Variants in PTPRD observed in about 807,000 individuals in gnomAD.
PTPRD encodes receptor-type tyrosine-protein phosphatase delta.
A neutral mutation model predicts 214.5 loss-of-function variants in PTPRD; 34 were observed. That is an observed-to-expected ratio of 0.16 (90% confidence interval 0.12 to 0.21). The LOEUF (loss-of-function observed/expected upper bound fraction) is 0.21, where lower values mean the gene tolerates loss of function less well. PTPRD is among the 10% of genes least tolerant of loss of function. The pLI, the probability that PTPRD is intolerant of heterozygous loss-of-function variation, is 1.00. For missense variants in PTPRD, 2,545 were observed against 2,398.7 expected (o/e 1.06, Z -1.27); for synonymous variants, 1,128 against 845.7 (o/e 1.33, Z -5.79).
intron 2 of PTPRD, among the ~76,000 whole-genome samples, chr9:10,354,712 C>G (rs1396305145): frequency 1.3e-5 from 2 of 152,154 alleles, no homozygotes; most frequent in Non-Finnish European, 2.9e-5. Flanking sequence ...AAACATGAGG[C>G]TACTGCTAGG....
rs530921616 is a variant in PTPRD, at chr9:9,255,106, T to C, written c.-202-71743A>G. 3.9e-5 allele frequency among the ~76,000 whole-genome samples: 6 copies of C among 152,178 alleles called. No homozygotes were observed. The South Asian group carries it at 1.0e-3, about 26-fold the overall frequency. On this transcript the variant is annotated intron_variant, in intron 9 of 45. Coordinates refer to ENST00000381196, the MANE Select transcript of PTPRD (RefSeq NM_002839.4). The stretch of plus-strand genomic sequence containing the variant: ...AAATAAACAAAGCTCAAGTTAAATA[T>C]AGGCTAGGCTTTGCTGTGTGCAAAC...
chr9:10,473,873 T>C (rs2099046602), intron 2 of PTPRD, among the ~76,000 whole-genome samples: 2 of 152,058 alleles, frequency 1.3e-5, no homozygotes, highest in Admixed American at 6.6e-5. Flanking sequence ...CTCTTAATGT[T>C]GATGATTCAG....
At chr9:9,455,253 T>A (rs144109187) in intron 8 of PTPRD, among the ~76,000 whole-genome samples, 1 of 151,644 alleles carries the variant, frequency 6.6e-6, no homozygotes. Context: ...GATGGGAAAA[T>A]GAAGTAATTA....
chr9:9,647,186 T>G (rs1239974079), intron 7 of PTPRD, among the ~76,000 whole-genome samples: 1 of 152,200 alleles, frequency 6.6e-6, no homozygotes, highest in Non-Finnish European at 1.5e-5. Flanking sequence ...CCCCCCCTCT[T>G]TCTAGTCATT....
At chr9:9,333,237 G>T (rs1462240000) in intron 9 of PTPRD, among the ~76,000 whole-genome samples, 1 of 151,684 alleles carries the variant, frequency 6.6e-6, no homozygotes, top group Non-Finnish European at 1.5e-5. Flanking sequence ...GGCTTTGTAG[G>T]TGACATAGAA....
chr9:9,271,046 T>C (rs1435865804), intron 9 of PTPRD, among the ~76,000 whole-genome samples: 1 of 151,294 alleles, frequency 6.6e-6, no homozygotes, highest in Non-Finnish European at 1.5e-5. Flanking sequence ...TTAAAGTGCT[T>C]ATGCGGCTTC....
intron 2 of PTPRD, among the ~76,000 whole-genome samples, chr9:10,580,028 A>G (rs2071141134): frequency 6.6e-6 from 1 of 152,172 alleles, no homozygotes; most frequent in African/African-American, 2.4e-5. Flanking sequence ...TCTGAAATGT[A>G]TAGAAACCTG....
chr9:9,399,243 G>T (rs143469037), intron 8 of PTPRD, among the ~76,000 whole-genome samples: 1 of 151,882 alleles, frequency 6.6e-6, no homozygotes, highest in African/African-American at 2.4e-5. Flanking sequence ...TAAAATAAAA[G>T]CACTGGTTTC....
chr9:9,248,578 T>C (rs765792338), intron 9 of PTPRD, among the ~76,000 whole-genome samples: 1 of 152,116 alleles, frequency 6.6e-6, no homozygotes, highest in African/African-American at 2.4e-5. Context: ...TGATTGTTTA[T>C]ATGTCATCTC....
chr9:9,656,888 T>C (rs2096528848), intron 7 of PTPRD, among the ~76,000 whole-genome samples: 3 of 152,008 alleles, frequency 2.0e-5, no homozygotes, highest in Admixed American at 1.3e-4. Flanking sequence ...TATATATACA[T>C]AGGAACACTG....
chr9:9,242,501 T>A (rs2099970858), intron 9 of PTPRD, among the ~76,000 whole-genome samples: 1 of 152,168 alleles, frequency 6.6e-6, no homozygotes. Flanking sequence ...GTAGATTTGG[T>A]CTTTTCACAT....
intron 43 of PTPRD, among the ~76,000 whole-genome samples, chr9:8,332,568 GTCTT>G (rs1397569525): frequency 1.3e-5 from 2 of 152,154 alleles, no homozygotes; most frequent in African/African-American, 4.8e-5. Context: ...TTGAAGAGCA[GTCTT>G]TCTTTTTTAG....
intron 7 of PTPRD, among the ~76,000 whole-genome samples, chr9:9,605,647 T>C (rs1248474752): frequency 2.0e-5 from 3 of 152,140 alleles, no homozygotes; most frequent in South Asian, 2.1e-4. Context: ...GTCATCAATA[T>C]AGAGGATGAA....
At chr9:9,161,738 A>G (rs958609191) in intron 10 of PTPRD, among the ~76,000 whole-genome samples, 4 of 152,068 alleles carry the variant, frequency 2.6e-5, no homozygotes, top group Admixed American at 2.6e-4. Flanking sequence ...ATACATTTAA[A>G]ATATGTTTTA....
intron 3 of PTPRD, among the ~76,000 whole-genome samples, chr9:10,232,085 C>T (rs1240746804): frequency 1.3e-5 from 2 of 149,680 alleles, no homozygotes; most frequent in Non-Finnish European, 3.0e-5. Context: ...TCCCTCTTCC[C>T]GTGTGTCTGC....
intron 2 of PTPRD, among the ~76,000 whole-genome samples, chr9:10,523,745 T>C (rs115881306): frequency 0.018 from 2,763 of 151,164 alleles, 92 homozygotes; most frequent in African/African-American, 0.064. Flanking sequence ...ATTCTCTTTA[T>C]GATTACTTTT....
intron 2 of PTPRD, among the ~76,000 whole-genome samples, chr9:10,446,132 C>G (rs1020026125): frequency 6.6e-6 from 1 of 151,904 alleles, no homozygotes; most frequent in African/African-American, 2.4e-5. Context: ...CCACCCCACC[C>G]CCTTTGAAAT....
chr9:8,850,835 G>C (rs935781892), intron 11 of PTPRD, among the ~76,000 whole-genome samples: 4 of 152,206 alleles, frequency 2.6e-5, no homozygotes, highest in African/African-American at 9.7e-5. Context: ...TACTTGTGTA[G>C]TAAGAAATCA....
At chr9:10,236,832 T>C (rs1348105864) in intron 3 of PTPRD, among the ~76,000 whole-genome samples, 2 of 151,958 alleles carry the variant, frequency 1.3e-5, no homozygotes, top group African/African-American at 4.8e-5. Context: ...CTATGTACAA[T>C]ATTTTAATAT....
Sources: allele counts gnomAD v4.1 joint callset (sites outside exome capture counted in the v4.1 genomes callset), GRCh38; gene constraint gnomAD v4.1.1; transcripts MANE v1.5; gene names NCBI Gene and HGNC (gene_info 2026-07-23, HGNC 2026-07-21).